The following ABLIM1 variants were observed in gnomAD, a reference collection of about 807,000 sequenced individuals.
The protein encoded by ABLIM1 is actin-binding LIM protein 1.
In ABLIM1, 40 loss-of-function variants were observed where a neutral mutation model predicts 107.0. The observed-to-expected ratio is 0.37, with a 90% CI of 0.29 to 0.49. ABLIM1 has a LOEUF of 0.49. ABLIM1 is among the 20% of genes least tolerant of loss of function. The pLI is 0.97. For missense variants in ABLIM1, 857 were observed against 1,008.5 expected (o/e 0.85, Z 2.04); for synonymous variants, 357 against 357.3 (o/e 1.00, Z 0.01).
chr10:114,675,928 T>C (rs779543134), intron 1 of ABLIM1, among the ~76,000 whole-genome samples: 6 of 152,178 alleles, frequency 3.9e-5, no homozygotes, highest in Non-Finnish European at 7.3e-5. Flanking sequence ...TGCATGTCCA[T>C]CTCTGCATCC....
chr10:114,446,174 T>G (rs1337207522), intron 15 of ABLIM1, among the ~76,000 whole-genome samples: 1 of 152,244 alleles, frequency 6.6e-6, no homozygotes, highest in Non-Finnish European at 1.5e-5. Context: ...AGTTTTCTCT[T>G]TTTCTGAATA....
intron 1 of ABLIM1, among the ~76,000 whole-genome samples, chr10:114,753,308 A>T (rs746358270): frequency 1.3e-5 from 2 of 152,222 alleles, no homozygotes; most frequent in Non-Finnish European, 2.9e-5. Context: ...AATTCTGTGC[A>T]CCATGCTCTC....
At chr10:114,581,092 C>T (rs2073315555) in intron 2 of ABLIM1, among the ~76,000 whole-genome samples, 2 of 152,090 alleles carry the variant, frequency 1.3e-5, no homozygotes, top group Admixed American at 1.3e-4. Context: ...CTCTAGAAAC[C>T]ACTGAATACA....
In ABLIM1 at chr10:114,433,930, T is replaced by C. The variant is rs1014214679; in HGVS notation, c.*2330A>G. On this transcript the variant is annotated 3_prime_UTR_variant, in exon 23 of 23. Transcript: ENST00000533213. ...TAATCAATGTAAAACGTAGGGACCCTTTATTAGCTCCATAATGAAAAAAAT... is the reference window on the plus strand; with the variant it reads ...TAATCAATGTAAAACGTAGGGACCCCTTATTAGCTCCATAATGAAAAAAAT... 3 of 152,208 alleles carry C rather than the reference T, an allele frequency of 2.0e-5. No homozygotes were observed. Among genetic ancestry groups the C allele is most frequent in the African/African-American group, 2.4e-5 (1 of 41,454 alleles). 9.4% of individuals were successfully genotyped at this position (152,208 alleles called of 1,614,324 possible).
chr10:114,768,430 C>A (rs1449044705), upstream of ABLIM1, among the ~76,000 whole-genome samples: 1 of 151,834 alleles, frequency 6.6e-6, no homozygotes. Flanking sequence ...CCTCTCCCCG[C>A]CCGTCTTCTT....
intron 1 of ABLIM1, among the ~76,000 whole-genome samples, chr10:114,654,837 C>T (rs2079424442): frequency 6.6e-6 from 1 of 152,166 alleles, no homozygotes; most frequent in Admixed American, 6.5e-5. Flanking sequence ...GGCCAGATGC[C>T]CCAAGGAGCC....
chr10:114,788,326 TAAAAAAA>T, the ABLIM1 span, among the ~76,000 whole-genome samples: 1 of 131,368 alleles, frequency 7.6e-6, no homozygotes, highest in African/African-American at 2.8e-5. Context: ...GAATGATCAA[TAAAAAAA>T]TAAAAAAAAA....
intron 6 of ABLIM1, among the ~76,000 whole-genome samples, chr10:114,507,752 T>C (rs1469995212): frequency 6.6e-6 from 1 of 152,168 alleles, no homozygotes; most frequent in African/African-American, 2.4e-5. Flanking sequence ...CCCACTTATA[T>C]CAACAGGTGA....
the ABLIM1 span, among the ~76,000 whole-genome samples, chr10:114,786,955 C>T: frequency 6.6e-6 from 1 of 150,522 alleles, no homozygotes; most frequent in Non-Finnish European, 1.5e-5. Flanking sequence ...CCTGGCCGCC[C>T]ATCGTCTGGG....
intron 8 of ABLIM1, among the ~76,000 whole-genome samples, chr10:114,475,983 C>T (rs1178485655): frequency 6.6e-6 from 1 of 152,194 alleles, no homozygotes; most frequent in African/African-American, 2.4e-5. Flanking sequence ...ACCACTGAGC[C>T]AAAGAAACTC....
intron 4 of ABLIM1, among the ~76,000 whole-genome samples, chr10:114,569,890 T>C (rs978053655): frequency 3.0e-4 from 45 of 152,252 alleles, no homozygotes; most frequent in Non-Finnish European, 5.3e-4. Context: ...TCATGTGTGC[T>C]GAATAACATG....
chr10:114,503,456 G>GA (rs113795893), intron 6 of ABLIM1, among the ~76,000 whole-genome samples: 18,056 of 151,452 alleles, frequency 0.12, 1,214 homozygotes, highest in African/African-American at 0.19. Flanking sequence ...CGAAAAAAAA[G>GA]AAAAAAAATT....
At chr10:114,784,857 T>C in the ABLIM1 span, among the ~76,000 whole-genome samples, 1 of 151,908 alleles carries the variant, frequency 6.6e-6, no homozygotes, top group African/African-American at 2.4e-5. Context: ...ATTATGACTT[T>C]CCTGGACCAT....
chr10:114,695,110 A>G (rs1337321917), intron 1 of ABLIM1, among the ~76,000 whole-genome samples: 2 of 152,216 alleles, frequency 1.3e-5, no homozygotes, highest in Non-Finnish European at 2.9e-5. Context: ...CTCATTCTCT[A>G]GTTACATCTC....
chr10:114,583,982 C>T (rs1361205742), intron 2 of ABLIM1, among the ~76,000 whole-genome samples: 2 of 151,886 alleles, frequency 1.3e-5, no homozygotes, highest in African/African-American at 4.8e-5. Context: ...GGGAAGCAGG[C>T]AGGGAAAGGT....
At chr10:114,761,983 G>GCTCTCTCTCTCTCT (rs144008972) in intron 1 of ABLIM1, among the ~76,000 whole-genome samples, 27 of 145,714 alleles carry the variant, frequency 1.9e-4, no homozygotes, top group African/African-American at 6.6e-4. Context: ...TATCCCATAT[G>GCTCTCTCTCTCTCT]CTCTCTCTCT....
At chr10:114,441,895 T>G in intron 17 of ABLIM1, 109 bp from the exon 18 acceptor site, 1 of 945,460 alleles carries the variant, frequency 1.1e-6, no homozygotes, top group South Asian at 1.5e-5. Flanking sequence ...CCAAAAAAAT[T>G]CAAATCATAT....
At chr10:114,654,354 T>C (rs1443104010) in intron 1 of ABLIM1, among the ~76,000 whole-genome samples, 1 of 152,256 alleles carries the variant, frequency 6.6e-6, no homozygotes, top group Non-Finnish European at 1.5e-5. Flanking sequence ...AAATGACTAA[T>C]GCTGACTATA....
chr10:114,473,951 G>C lies in ABLIM1; in HGVS notation c.1047C>G (p.Thr349=). The change falls in exon 9 of 23, where the codon ACC becomes ACG. Residue 349 remains threonine, a synonymous_variant. Transcript: ENST00000533213. The part of the protein sequence containing the change: ...STKTEEKLRP[T]RTSSESIYSR... ...AATAAATACTTTCCGAGGATGTCCT[G>C]GTAGGCTGTAAAATAAACAGTGACT... 6.2e-7 allele frequency: 1 copy of C among 1,613,292 alleles called. No individual in the cohort carries two copies. The highest frequency in any genetic ancestry group is 8.5e-7 in the Non-Finnish European group (1 of 1,179,498).
Sources: gnomAD v4.1 joint callset for allele counts (sites outside exome capture counted in the v4.1 genomes callset) on GRCh38, gnomAD v4.1.1 for gene constraint, MANE v1.5 for transcripts, NCBI Gene and HGNC (gene_info 2026-07-23, HGNC 2026-07-21) for gene names.